Variants in MYCL observed in about 807,000 individuals in gnomAD.
MYCL encodes MYCL proto-oncogene, bHLH transcription factor.
A neutral mutation model predicts 31.0 loss-of-function variants in MYCL; 11 were observed. The ratio of observed to expected loss-of-function variants is 0.35; its 90% CI spans 0.22 to 0.59. The LOEUF (loss-of-function observed/expected upper bound fraction) is 0.59, where lower values mean the gene tolerates loss of function less well. Among genes scored for constraint, MYCL ranks in the 20% least tolerant of loss-of-function variants. MYCL has a pLI of 0.79. For synonymous variants in MYCL, 208 were observed against 202.4 expected, an observed-to-expected ratio of 1.03 and a Z score of -0.23; for missense variants, 427 against 486.1, an observed-to-expected ratio of 0.88 and a Z score of 1.14.
At position 39,898,880 on chromosome 1, in the gene MYCL, G is replaced by A. The variant is rs917567532; in HGVS notation, c.497-910C>T. 129 of 985,298 alleles carry A rather than the reference G, an allele frequency of 1.3e-4. 1 individual carries two copies. The highest frequency in any genetic ancestry group is 1.4e-4 in the Non-Finnish European group (119 of 829,950). The allele number at this position is 985,298 out of a possible 1,614,324, so 61.0% of individuals were successfully genotyped here. ...TTAGGTTAACCTAACCAGGAGAGGGGCAATTGGGAGAAAAGTCTCCTCCTG... is the reference window on the plus strand; with the variant it reads ...TTAGGTTAACCTAACCAGGAGAGGGACAATTGGGAGAAAAGTCTCCTCCTG... On this transcript the variant is annotated intron_variant, in intron 1 of 1. Coordinates refer to ENST00000372816, the MANE Select transcript of MYCL (RefSeq NM_001033081.3).
Position 39,899,745 on chromosome 1 carries a change from CTT to C in MYCL, c.496+1192_496+1193del, listed in dbSNP as rs1283864465. 14 of 985,016 alleles carry C rather than the reference CTT, an allele frequency of 1.4e-5. No homozygotes were observed. The South Asian group carries it at 2.8e-4, about 20-fold the overall frequency. 61.0% of individuals were successfully genotyped at this position (985,016 alleles called of 1,614,324 possible). A position where few individuals can be genotyped will look rare whatever the true frequency, so the allele number is the denominator to read the frequency against. On this transcript the variant is annotated intron_variant, in intron 1 of 1. Coordinates refer to ENST00000372816, the MANE Select transcript of MYCL (RefSeq NM_001033081.3). ...ACACAGTGGACCAGGAAAAAAAAGA[CTT>C]TTAATTTTTGTTATCCTATTTTTTC... is the stretch of plus-strand genomic sequence containing the variant.
In MYCL at chr1:39,901,545, C is replaced by T. The variant is rs948635587; in HGVS notation, c.-111G>A. On this transcript the variant is annotated 5_prime_UTR_variant, in exon 1 of 2. Transcript: ENST00000372816. The surrounding 1 kb of genome is among the most constrained non-coding windows in gnomAD (Gnocchi z 6.9). Reference sequence around the variant, plus strand: ...TCGGCTGCCGGGCTCTCGTTCCTCCCCAACCCCACCAGCTTGCAGCCTGCG... The same window carrying T: ...TCGGCTGCCGGGCTCTCGTTCCTCCTCAACCCCACCAGCTTGCAGCCTGCG... 3.7e-5 allele frequency: 55 copies of T among 1,486,006 alleles called. No homozygotes were observed. Among genetic ancestry groups the T allele is most frequent in the Non-Finnish European group, 4.8e-5 (54 of 1,129,298 alleles). 92.1% of individuals were successfully genotyped at this position (1,486,006 alleles called of 1,614,324 possible). A position where few individuals can be genotyped will look rare whatever the true frequency, so the allele number is the denominator to read the frequency against.
In MYCL at chr1:39,897,507, T is replaced by C; in HGVS notation, c.960A>G (p.Val320=). 1.2e-6 allele frequency: 2 copies of C among 1,614,210 alleles called. No homozygotes were observed. Among genetic ancestry groups the C allele is most frequent in the South Asian group, 1.1e-5 (1 of 91,076 alleles). The change falls in exon 2 of 2, where the codon GTA becomes GTG. Residue 320 remains valine (V), a synonymous_variant. Coordinates refer to ENST00000372816, the MANE Select transcript of MYCL (RefSeq NM_001033081.3). This position sits in a 1 kb window ranked among gnomAD's most constrained non-coding sequence, Gnocchi z 4.3. ...ATTCCAAGGCCTTGCTTAGGATCAC[T>C]ACTTTGGGGGCCTTGGAGCAGCTGG... ...TLASCSKAPK[V]VILSKALEYL...
At chr1:39,899,896 T>C (rs1032095155) in intron 1 of MYCL, 43 of 985,332 alleles carry the variant, frequency 4.4e-5, no homozygotes, top group Non-Finnish European at 5.1e-5. Flanking sequence ...CTAGCCACAG[T>C]CTACACTCTA....
chr1:39,901,203 G>A lies in MYCL; in HGVS notation c.232C>T (p.His78Tyr), dbSNP rs2124720357. ...TAGTTCCTGCCCCAGCCTTTCGAGT[G>A]GCCCCGGGATTCCGCTTCGTCTCCG... ...CTGDEAESRG[H>Y]SKGWGRNYAS... Residue 78 changes from histidine to tyrosine, a missense_variant, in exon 1 of 2, where the codon CAC becomes TAC. Coordinates refer to ENST00000372816, the MANE Select transcript of MYCL (RefSeq NM_001033081.3). The surrounding 1 kb of genome is among the most constrained non-coding windows in gnomAD (Gnocchi z 6.9). 6.2e-7 allele frequency: 1 copy of A among 1,613,084 alleles called. No individual in the cohort carries two copies. Among genetic ancestry groups the A allele is most frequent in the Admixed American group, 1.7e-5 (1 of 59,924 alleles).
At chr1:39,900,034 G>A in intron 1 of MYCL, 1 of 985,536 alleles carries the variant, frequency 1.0e-6, no homozygotes, top group Non-Finnish European at 1.2e-6. Flanking sequence ...ATCAAGGATG[G>A]GAGAGGAGGG....
Position 39,901,672 on chromosome 1 carries a change from CTT to C in MYCL, c.-240_-239del. ...CTGTGGGCAGCGAGTTCAAAGCAAA[CTT>C]TGCCAGCGCCGCCCGGAGCGCAGCT... On this transcript the variant is annotated 5_prime_UTR_variant, in exon 1 of 2. The change creates a premature stop within an existing upstream ORF in the 5' untranslated region. Coordinates refer to ENST00000372816, the MANE Select transcript of MYCL (RefSeq NM_001033081.3). This position sits in a 1 kb window ranked among gnomAD's most constrained non-coding sequence, Gnocchi z 6.9. The C allele has an allele frequency of 7.7e-7, 1 of 1,294,794 alleles. No homozygotes were observed. The allele number at this position is 1,294,794 out of a possible 1,614,324, so 80.2% of individuals were successfully genotyped here.
intron 1 of MYCL, chr1:39,900,223 A>G (rs951196062): frequency 1.0e-4 from 102 of 985,402 alleles, no homozygotes; most frequent in Non-Finnish European, 1.2e-4. Flanking sequence ...TGCTTCTAAG[A>G]TAAGCTACCA....
chr1:39,898,954 CG>C, intron 1 of MYCL: 1 of 985,464 alleles, frequency 1.0e-6, no homozygotes, highest in African/African-American at 1.7e-5. Context: ...TAATGGATCT[CG>C]GCCTCGCAAA....
rs573435274 is a variant in MYCL at position 39,896,479 on chromosome 1, C to T, written c.*893G>A. ...AAAAGACTGGGCCTCAAGTGCCCCT[C>T]GGAAAACACCTGGGCAGGGATCAAG... On this transcript the variant is annotated 3_prime_UTR_variant, in exon 2 of 2. Transcript: ENST00000372816. 8.8e-5 allele frequency: 19 copies of T among 215,686 alleles called. No homozygotes were observed. Among genetic ancestry groups the T allele is most frequent in the Middle Eastern group, 1.5e-3 (1 of 670 alleles). 13.4% of individuals were successfully genotyped at this position (215,686 alleles called of 1,614,324 possible).
intron 1 of MYCL, chr1:39,900,546 T>C (rs746402863): frequency 8.4e-5 from 97 of 1,160,856 alleles, no homozygotes; most frequent in Non-Finnish European, 1.0e-4. Flanking sequence ...CGGCTTCTTC[T>C]CCCCCTAGGG....
intron 1 of MYCL, 151 bp downstream of exon 1, chr1:39,900,788 C>T (rs1285509001): frequency 1.4e-6 from 2 of 1,438,408 alleles, no homozygotes; most frequent in South Asian, 3.0e-5. Context: ...GCCAGACAGA[C>T]ACGGTTGGGG....
Position 39,897,854 on chromosome 1 carries a change from T to G in MYCL, c.613A>C (p.Ile205Leu). 1.2e-6 allele frequency: 2 copies of G among 1,614,116 alleles called. No individual in the cohort carries two copies. Among genetic ancestry groups the G allele is most frequent in the South Asian group, 2.2e-5 (2 of 91,064 alleles). Residue 205 changes from isoleucine (I) to leucine (L), a missense_variant, in exon 2 of 2, where the codon ATC becomes CTC. Physicochemically the swap from Ile to Leu is conservative, Grantham distance 5. Transcript: ENST00000372816. This position sits in a 1 kb window ranked among gnomAD's most constrained non-coding sequence, Gnocchi z 4.3. Reference protein sequence around the residue: ...PLDPCMKHFHISIHQQQHNYA... With the variant: ...PLDPCMKHFHLSIHQQQHNYA... Reference sequence around the variant, plus strand: ...TTGTGCTGTTGCTGATGGATGGAGATGTGGAAATGCTTCATGCAGGGATCC... The same window carrying G: ...TTGTGCTGTTGCTGATGGATGGAGAGGTGGAAATGCTTCATGCAGGGATCC...
Position 39,897,892 on chromosome 1 carries a change from C to T in MYCL, c.575G>A (p.Arg192Gln), listed in dbSNP as rs1198444872. Residue 192 changes from arginine (R) to glutamine (Q), a missense_variant, in exon 2 of 2, where the codon CGA becomes CAA. Coordinates refer to ENST00000372816, the MANE Select transcript of MYCL (RefSeq NM_001033081.3). This position sits in a 1 kb window ranked among gnomAD's most constrained non-coding sequence, Gnocchi z 4.3. The part of the protein sequence containing the change: ...GIRKPVTITV[R>Q]ADPLDPCMKH... Reference sequence around the variant, plus strand: ...CATGCAGGGATCCAGGGGGTCTGCTCGCACCGTGATGGTGACCGGCTTCCG... The same window carrying T: ...CATGCAGGGATCCAGGGGGTCTGCTTGCACCGTGATGGTGACCGGCTTCCG... 13 of 1,613,986 alleles carry T rather than the reference C, an allele frequency of 8.1e-6. No individual in the cohort carries two copies. Among genetic ancestry groups the T allele is most frequent in the Admixed American group, 1.7e-5 (1 of 59,986 alleles).
chr1:39,898,912 A>T, intron 1 of MYCL: 2 of 985,440 alleles, frequency 2.0e-6, no homozygotes, highest in Non-Finnish European at 1.2e-6. Flanking sequence ...CCTGCTCCAC[A>T]CATTTTGCAG....
In MYCL at chr1:39,901,521, C is replaced by A. The variant is rs1263647719; in HGVS notation, c.-87G>T. On this transcript the variant is annotated 5_prime_UTR_variant, in exon 1 of 2. Transcript: ENST00000372816. This position sits in a 1 kb window ranked among gnomAD's most constrained non-coding sequence, Gnocchi z 6.9. ...GTGTCCCCGGGTCCCTCGGCACAGTCGGCTGCCGGGCTCTCGTTCCTCCCC... is the reference window on the plus strand; with the variant it reads ...GTGTCCCCGGGTCCCTCGGCACAGTAGGCTGCCGGGCTCTCGTTCCTCCCC... The A allele has an allele frequency of 1.3e-6, 2 of 1,524,372 alleles. No individual in the cohort carries two copies. Among genetic ancestry groups the A allele is most frequent in the East Asian group, 2.3e-5 (1 of 43,244 alleles). The allele number at this position is 1,524,372 out of a possible 1,614,324, so 94.4% of individuals were successfully genotyped here.
chr1:39,900,173 C>G (rs1017936108), intron 1 of MYCL: 1 of 985,492 alleles, frequency 1.0e-6, no homozygotes, highest in African/African-American at 1.7e-5. Context: ...GCAAGAAGGA[C>G]ACTTTTCCAT....
In MYCL at chr1:39,901,727, GC is replaced by G; in HGVS notation, c.-294del. On this transcript the variant is annotated 5_prime_UTR_variant, in exon 1 of 2. The change creates a premature stop within an existing upstream ORF in the 5' untranslated region. Transcript: ENST00000372816. The surrounding 1 kb of genome is among the most constrained non-coding windows in gnomAD (Gnocchi z 6.9). ...CAGGGCCCGGCGGGGCCGGGCGGGG[GC>G]GCGCCGTGCCCAGAAGGCAGCCTGC... The G allele has an allele frequency of 8.2e-7, 1 of 1,212,426 alleles. No individual in the cohort carries two copies. The highest frequency in any genetic ancestry group is 1.0e-6 in the Non-Finnish European group (1 of 978,906). The allele number at this position is 1,212,426 out of a possible 1,614,324, so 75.1% of individuals were successfully genotyped here.
chr1:39,900,811 G>A, intron 1 of MYCL, 128 bp downstream of exon 1: 7 of 1,473,762 alleles, frequency 4.7e-6, no homozygotes, highest in Non-Finnish European at 6.3e-6. Flanking sequence ...TACACGGGCA[G>A]CTTCAGCCAA....
Sources: gnomAD v4.1 joint callset for allele counts on GRCh38, gnomAD v4.1.1 for gene constraint, Gnocchi (gnomAD v3.1) non-coding constraint, MANE v1.5 for transcripts, NCBI Gene and HGNC (gene_info 2026-07-23, HGNC 2026-07-21) for gene names.